Variants in CIMAP2 observed in about 807,000 individuals in gnomAD.
The protein encoded by CIMAP2 is ciliary microtubule associated protein 2.
chr1:54,809,434 C>T, the CIMAP2 span, among the ~76,000 whole-genome samples: 20 of 152,302 alleles, frequency 1.3e-4, no homozygotes, highest in African/African-American at 3.4e-4. Flanking sequence ...ATGTCATTAC[C>T]GTCCAATCTA....
At chr1:54,828,670 A>G in the CIMAP2 span, among the ~76,000 whole-genome samples, 3 of 150,988 alleles carry the variant, frequency 2.0e-5, no homozygotes, top group Non-Finnish European at 4.4e-5. Flanking sequence ...TATTTATTTT[A>G]TTTTCGAGGG....
the CIMAP2 span, among the ~76,000 whole-genome samples, chr1:54,832,258 T>C: frequency 6.6e-6 from 1 of 152,234 alleles, no homozygotes; most frequent in African/African-American, 2.4e-5. Context: ...TAAATAATTA[T>C]TTGGAGGATT....
At chr1:54,840,118 T>G in the CIMAP2 span, among the ~76,000 whole-genome samples, 1 of 151,816 alleles carries the variant, frequency 6.6e-6, no homozygotes, top group African/African-American at 2.4e-5. Context: ...TATAGAATAT[T>G]CCCATCCCCC....
chr1:54,813,736 C>G, the CIMAP2 span: 6 of 1,459,724 alleles, frequency 4.1e-6, no homozygotes, highest in Non-Finnish European at 4.6e-6. Flanking sequence ...TTGCTTTTCT[C>G]TGGTTGCGGG....
chr1:54,807,955 T>G, the CIMAP2 span: 5 of 1,609,070 alleles, frequency 3.1e-6, no homozygotes, highest in Non-Finnish European at 4.2e-6. Flanking sequence ...GGAGAAACCA[T>G]GTAGCACCCG....
At chr1:54,811,766 C>CGGGGGGGGGGCG in the CIMAP2 span, 2 of 1,305,182 alleles carry the variant, frequency 1.5e-6, no homozygotes, top group Non-Finnish European at 2.2e-6. Context: ...GTTCTGACAG[C>CGGGGGGGGGGCG]CTCCATGCCC....
At chr1:54,811,792 A>G in the CIMAP2 span, 1 of 211,456 alleles carries the variant, frequency 4.7e-6, no homozygotes. Context: ...CCCGCCCCAC[A>G]GAACTACTAT....
the CIMAP2 span, among the ~76,000 whole-genome samples, chr1:54,832,932 T>C: frequency 2.0e-5 from 3 of 151,418 alleles, no homozygotes; most frequent in Non-Finnish European, 4.4e-5. Flanking sequence ...GAGGCTGAGG[T>C]AGGAGGATTG....
At chr1:54,807,944 G>A in the CIMAP2 span, 14 of 1,609,752 alleles carry the variant, frequency 8.7e-6, no homozygotes, top group Non-Finnish European at 1.2e-5. Context: ...GAACAGCTGC[G>A]GGAGAAACCA....
the CIMAP2 span, among the ~76,000 whole-genome samples, chr1:54,823,313 A>G: frequency 6.6e-6 from 1 of 151,504 alleles, no homozygotes; most frequent in Non-Finnish European, 1.5e-5. Flanking sequence ...CTTTATCATT[A>G]TCTAATGACC....
At chr1:54,813,224 T>G in the CIMAP2 span, among the ~76,000 whole-genome samples, 1 of 151,970 alleles carries the variant, frequency 6.6e-6, no homozygotes. Context: ...CACTGCCCTC[T>G]CCACACCATG....
the CIMAP2 span, chr1:54,813,911 G>A: frequency 8.1e-6 from 13 of 1,613,584 alleles, no homozygotes; most frequent in Middle Eastern, 3.3e-4. Flanking sequence ...AAACTTCCCC[G>A]AAACCCGAAA....
chr1:54,808,155 A>G, the CIMAP2 span: 1 of 829,828 alleles, frequency 1.2e-6, no homozygotes, highest in African/African-American at 1.8e-5. Context: ...ACTGTCCTAG[A>G]CCTTGGGGAT....
chr1:54,806,924 T>C, the CIMAP2 span: 5 of 1,418,306 alleles, frequency 3.5e-6, no homozygotes, highest in Admixed American at 8.4e-5. Context: ...AACTCCCCCA[T>C]GCTCCAGAAC....
chr1:54,814,029 G>A, the CIMAP2 span: 16 of 1,536,346 alleles, frequency 1.0e-5, no homozygotes, highest in South Asian at 1.0e-4. Context: ...CTCTCCTTCC[G>A]GGGCTGGGCA....
At chr1:54,820,126 CTT>C in the CIMAP2 span, among the ~76,000 whole-genome samples, 163 of 130,520 alleles carry the variant, frequency 1.2e-3, no homozygotes, top group East Asian at 1.9e-3. Context: ...TTCTTTCTTT[CTT>C]TCTTTCTTTC....
chr1:54,827,052 T>A, the CIMAP2 span, among the ~76,000 whole-genome samples: 1 of 152,262 alleles, frequency 6.6e-6, no homozygotes, highest in African/African-American at 2.4e-5. Context: ...GTAAATCATA[T>A]GAAATGAAAC....
At chr1:54,814,427 GGGTCTGAGCA>G in the CIMAP2 span, among the ~76,000 whole-genome samples, 1 of 152,220 alleles carries the variant, frequency 6.6e-6, no homozygotes, top group Non-Finnish European at 1.5e-5. Context: ...GGCCCTCTGG[GGGTCTGAGCA>G]GGCCCCCAAA....
At chr1:54,812,335 C>G in the CIMAP2 span, 1 of 1,253,780 alleles carries the variant, frequency 8.0e-7, no homozygotes, top group South Asian at 1.4e-5. Context: ...ACAGCCAGGG[C>G]TGGATCCGGT....
Sources: allele counts gnomAD v4.1 joint callset (sites outside exome capture counted in the v4.1 genomes callset), GRCh38; gene constraint gnomAD v4.1.1; transcripts MANE v1.5; gene names NCBI Gene and HGNC (gene_info 2026-07-23, HGNC 2026-07-21).